SH3D19: variants seen among roughly 807,000 people sequenced by gnomAD.
The protein encoded by SH3D19 is SH3 domain-containing protein 19.
In SH3D19, 58 loss-of-function variants were observed where a neutral mutation model predicts 112.1. The observed-to-expected ratio is 0.52, with a 90% CI of 0.42 to 0.64. The LOEUF (loss-of-function observed/expected upper bound fraction) is 0.64, where lower values mean the gene tolerates loss of function less well. Ranked by LOEUF, SH3D19 falls within the 30% of genes least tolerant of loss-of-function variation. SH3D19 has a pLI of 0.00. For missense variants in SH3D19, 1,090 were observed against 1,263.4 expected, an observed-to-expected ratio of 0.86 and a Z score of 2.08; for synonymous variants, 391 against 448.5, an observed-to-expected ratio of 0.87 and a Z score of 1.62.
chr4:151,194,088 T>C (rs945714348), intron 2 of SH3D19, among the ~76,000 whole-genome samples: 1 of 146,028 alleles, frequency 6.8e-6, no homozygotes, highest in African/African-American at 2.7e-5. Flanking sequence ...TGCAGTGGCA[T>C]GATCTCGGCT....
chr4:151,260,049 G>A (rs758474029), intron 1 of SH3D19, among the ~76,000 whole-genome samples: 1 of 152,066 alleles, frequency 6.6e-6, no homozygotes, highest in East Asian at 1.9e-4. Flanking sequence ...TTGAAAGAAA[G>A]TGTGCTTACA....
intron 1 of SH3D19, among the ~76,000 whole-genome samples, chr4:151,236,179 G>GT (rs1238617868): frequency 6.6e-6 from 1 of 152,272 alleles, no homozygotes. Flanking sequence ...CCGCTGCGCT[G>GT]TGGGGGCCCC....
rs1354790323 is a variant in SH3D19 at position 151,126,884 on chromosome 4, A to C, written c.3027+734T>G. The stretch of plus-strand genomic sequence containing the variant: ...CATTTCTTCGGTGAAAAAAAAAAAA[A>C]AAAAAACCTTTGCAAACTAGCTCAA... On this transcript the variant is annotated intron_variant, in intron 19 of 19. Coordinates refer to ENST00000604030, the MANE Select transcript of SH3D19 (RefSeq NM_001378122.1). Among the ~76,000 whole-genome samples, 6 of 151,816 alleles carry C rather than the reference A, an allele frequency of 4.0e-5. No homozygotes were observed. In the East Asian group the frequency reaches 9.7e-4, roughly 24 times the overall value.
At chr4:151,204,831 CT>C (rs1229118853) in intron 2 of SH3D19, among the ~76,000 whole-genome samples, 1 of 151,564 alleles carries the variant, frequency 6.6e-6, no homozygotes, top group Non-Finnish European at 1.5e-5. Context: ...TTCTTTTTTT[CT>C]TTTTTTGAGA....
intron 1 of SH3D19, chr4:151,282,032 G>C: frequency 9.7e-7 from 1 of 1,027,262 alleles, no homozygotes; most frequent in Non-Finnish European, 1.5e-6. Flanking sequence ...GAAGCACCAT[G>C]GTTAATTCCC....
chr4:151,241,649 CCTCCCAAAGTGTTAGGAT>C (rs1367680481), intron 1 of SH3D19, among the ~76,000 whole-genome samples: 6 of 147,392 alleles, frequency 4.1e-5, no homozygotes, highest in African/African-American at 1.6e-4. Flanking sequence ...CCCAACTTGG[CCTCCCAAAGTGTTAGGAT>C]TACAGGTGCA....
intron 2 of SH3D19, among the ~76,000 whole-genome samples, chr4:151,199,614 C>T (rs1164986546): frequency 6.6e-6 from 1 of 152,170 alleles, no homozygotes; most frequent in Non-Finnish European, 1.5e-5. Context: ...CATTCATTCC[C>T]TCTTCTTTCC....
Position 151,175,449 on chromosome 4 carries a change from C to A in SH3D19, c.755G>T (p.Ser252Ile). 7.9e-6 allele frequency: 12 copies of A among 1,511,446 alleles called. No individual in the cohort carries two copies. Among genetic ancestry groups the A allele is most frequent in the Non-Finnish European group, 1.1e-5 (12 of 1,134,226 alleles). The allele number at this position is 1,511,446 out of a possible 1,614,324, so 93.6% of individuals were successfully genotyped here. Residue 252 changes from serine to isoleucine, a missense_variant, in exon 7 of 20, where the codon AGC (serine) becomes ATC (isoleucine). Coordinates refer to ENST00000604030, the MANE Select transcript of SH3D19 (RefSeq NM_001378122.1). ...HIKEQSQQKI[S>I]PAAVGEESSP... ...TGACTCCTCTCCTACGGCTGCTGGG[C>A]TGATTTTCTGTTGACTTTGCTCTTT...
In SH3D19 at chr4:151,148,128, T is replaced by G; in HGVS notation, c.1876A>C (p.Arg626=). 6.2e-7 allele frequency: 1 copy of G among 1,613,790 alleles called. No homozygotes were observed. Among genetic ancestry groups the G allele is most frequent in the East Asian group, 2.2e-5 (1 of 44,878 alleles). ...GCAGAAAGCTTTGGGGGAGGTGGTCTCTCAGGGGGCACCTTGGTTGGAGGC... is the reference window on the plus strand; with the variant it reads ...GCAGAAAGCTTTGGGGGAGGTGGTCGCTCAGGGGGCACCTTGGTTGGAGGC... ...QQPPTKVPPE[R]PPPPKLSATR... The change falls in exon 11 of 20, where the codon AGA becomes CGA. Residue 626 remains arginine (R), a synonymous_variant. Coordinates refer to ENST00000604030, the MANE Select transcript of SH3D19 (RefSeq NM_001378122.1).
intron 1 of SH3D19, among the ~76,000 whole-genome samples, chr4:151,275,412 A>G (rs1773521396): frequency 6.6e-6 from 1 of 152,136 alleles, no homozygotes; most frequent in South Asian, 2.1e-4. Context: ...GAGGAGACAT[A>G]ATTCAGCTCA....
At chr4:151,273,515 C>T (rs755296020) in intron 1 of SH3D19, among the ~76,000 whole-genome samples, 2 of 136,550 alleles carry the variant, frequency 1.5e-5, no homozygotes, top group Non-Finnish European at 3.0e-5. Flanking sequence ...GCTTGAACCT[C>T]GGAGGCGGAG....
At chr4:151,248,804 C>A (rs1014899794) in intron 1 of SH3D19, among the ~76,000 whole-genome samples, 2 of 152,126 alleles carry the variant, frequency 1.3e-5, no homozygotes, top group African/African-American at 4.8e-5. Flanking sequence ...CTGGCACCCC[C>A]TTGTAAACAA....
chr4:151,125,162 AG>A (rs1748928504), intron 19 of SH3D19, among the ~76,000 whole-genome samples: 1 of 152,246 alleles, frequency 6.6e-6, no homozygotes. Context: ...CATAGCTTAC[AG>A]CATAAGAAAT....
At chr4:151,157,465 G>C (rs1298180222) in intron 9 of SH3D19, among the ~76,000 whole-genome samples, 1 of 150,448 alleles carries the variant, frequency 6.6e-6, no homozygotes, top group Non-Finnish European at 1.5e-5. Context: ...ATGCAGAGAA[G>C]GGTGAACTCT....
At position 151,174,634 on chromosome 4, in the gene SH3D19, G is replaced by C. The variant is rs1471907095; in HGVS notation, c.1534+36C>G. 3 of 1,489,940 alleles carry C rather than the reference G, an allele frequency of 2.0e-6. No individual in the cohort carries two copies. In the Admixed American group the frequency reaches 7.3e-5, roughly 36 times the overall value. 92.3% of individuals were successfully genotyped at this position (1,489,940 alleles called of 1,614,324 possible). On this transcript the variant is annotated intron_variant, in intron 7 of 19. Coordinates refer to ENST00000604030, the MANE Select transcript of SH3D19 (RefSeq NM_001378122.1). ...TGCCATTTAAAATACCCTATCATGA[G>C]TTTAGATTCCCCTCCACTGCTGATT...
intron 2 of SH3D19, among the ~76,000 whole-genome samples, chr4:151,224,222 T>C (rs1446221184): frequency 5.9e-5 from 9 of 151,984 alleles, no homozygotes; most frequent in African/African-American, 2.2e-4. Context: ...GGCAGGAGAA[T>C]GGCGTCAATC....
At chr4:151,198,165 C>T (rs1180516106) in intron 2 of SH3D19, among the ~76,000 whole-genome samples, 1 of 150,906 alleles carries the variant, frequency 6.6e-6, no homozygotes, top group East Asian at 1.9e-4. Context: ...ATAAGCCAGG[C>T]GTGGTGGCAC....
rs1383450107 is a variant in SH3D19 at position 151,121,059 on chromosome 4, A to G, written c.*1032T>C. 3 of 152,666 alleles carry G rather than the reference A, an allele frequency of 2.0e-5. No homozygotes were observed. Among genetic ancestry groups the G allele is most frequent in the Non-Finnish European group, 2.9e-5 (2 of 68,044 alleles). 9.5% of individuals were successfully genotyped at this position (152,666 alleles called of 1,614,324 possible). ...TGCAGGGATAAGCTAGAGAAAAAAT[A>G]AAACAAAAAAGTACCAGTCTTCTGT... On this transcript the variant is annotated 3_prime_UTR_variant, in exon 20 of 20. Transcript: ENST00000604030.
intron 2 of SH3D19, among the ~76,000 whole-genome samples, chr4:151,223,863 A>T (rs557475903): frequency 2.0e-5 from 3 of 152,262 alleles, no homozygotes; most frequent in Admixed American, 6.5e-5. Context: ...TTGAGGATTC[A>T]TTTGAGACTT....
Sources: gnomAD v4.1 joint callset for allele counts (sites outside exome capture counted in the v4.1 genomes callset) on GRCh38, gnomAD v4.1.1 for gene constraint, MANE v1.5 for transcripts, NCBI Gene and HGNC (gene_info 2026-07-23, HGNC 2026-07-21) for gene names.